The following ZNF394 variants were observed in gnomAD, a reference collection of about 807,000 sequenced individuals.
ZNF394 encodes zinc finger protein 99.
In ZNF394, 19 loss-of-function variants were observed where a neutral mutation model predicts 21.8. That is an observed-to-expected ratio of 0.87 (90% confidence interval 0.61 to 1.28). ZNF394 has a LOEUF of 1.28. Among genes scored for constraint, ZNF394 ranks in the 50% most tolerant of loss-of-function variants. The pLI is 0.00. For synonymous variants in ZNF394, 294 were observed against 273.3 expected, an observed-to-expected ratio of 1.08 and a Z score of -0.75; for missense variants, 683 against 708.6, an observed-to-expected ratio of 0.96 and a Z score of 0.41.
chr7:99,496,478 G>C (rs1800313007), intron 2 of ZNF394, among the ~76,000 whole-genome samples: 1 of 152,182 alleles, frequency 6.6e-6, no homozygotes, highest in African/African-American at 2.4e-5. Context: ...ATATTTTGGA[G>C]CAGCAAGGCA....
In ZNF394 at chr7:99,499,984, A is replaced by G. The variant is rs750433022; in HGVS notation, c.110T>C (p.Leu37Ser). Residue 37 changes from leucine (L) to serine (S), a missense_variant, in exon 1 of 3, where the codon TTG (leucine) becomes TCG (serine). Leu to Ser is a moderately radical substitution (Grantham distance 145, BLOSUM62 -2). Around this residue, in one of 3 missense-constraint regions of ZNF394, gnomAD observed 402 missense variants for 373.8 expected, o/e 1.08. Transcript: ENST00000337673. ...TGAGTCTTCCTCCACTTTCACGGGC[A>G]AAAGTCCGTCGCGTTGGGACGGCGC... ...DAAPSQRDGL[L>S]PVKVEEDSPG... The G allele has an allele frequency of 2.5e-6, 4 of 1,612,824 alleles. No homozygotes were observed. In the African/African-American group the frequency reaches 5.3e-5, roughly 22 times the overall value.
intron 1 of ZNF394, chr7:99,487,711 GT>G: frequency 6.1e-6 from 3 of 491,222 alleles, no homozygotes; most frequent in South Asian, 3.0e-5. Flanking sequence ...AAAGCCAGGT[GT>G]GGTGGCTCAC....
intron 2 of ZNF394, among the ~76,000 whole-genome samples, 161 bp from the exon 3 acceptor site, chr7:99,494,792 T>G (rs543622891): frequency 6.6e-6 from 1 of 152,184 alleles, no homozygotes; most frequent in Non-Finnish European, 1.5e-5. Flanking sequence ...TGGAGTGCAG[T>G]GGTCCGATCT....
rs1441178733 is a variant in ZNF394, at chr7:99,493,866, GT to G, written c.1348del (p.Thr450ProfsTer126). 2 of 1,614,020 alleles carry G rather than the reference GT, an allele frequency of 1.2e-6. No homozygotes were observed. The highest frequency in any genetic ancestry group is 1.7e-5 in the Admixed American group (1 of 59,980). On this transcript the variant is annotated frameshift_variant, in exon 3 of 3. Coordinates refer to ENST00000337673, the MANE Select transcript of ZNF394 (RefSeq NM_032164.4). LOFTEE classifies it low-confidence loss of function (END_TRUNC). The stretch of plus-strand genomic sequence containing the variant: ...TCTAAAAAGGTTGGAAATATGACAG[GT>G]TTCCCCGCATTCCTCACATTTAAAA... ...KHFKCEECGE[T>X]CHISNLFRHQ...
chr7:99,499,897 T>G lies in ZNF394; in HGVS notation c.197A>C (p.His66Pro). The change falls in exon 1 of 3, where the codon CAC (histidine) becomes CCC (proline). Residue 66 changes from histidine to proline, a missense_variant. Physicochemically the swap from His to Pro is moderately conservative, Grantham distance 77. Transcript: ENST00000337673. Reference sequence around the variant, plus strand: ...CTCCTGGTAACGCAGCTGCCTAAAGTGCAGTCGAGAAGTTTCGGGGTCCGG... The same window carrying G: ...CTCCTGGTAACGCAGCTGCCTAAAGGGCAGTCGAGAAGTTTCGGGGTCCGG... The part of the protein sequence containing the change: ...ASPDPETSRL[H>P]FRQLRYQEVA... The G allele has an allele frequency of 1.2e-6, 2 of 1,614,134 alleles. No homozygotes were observed. The highest frequency in any genetic ancestry group is 8.5e-7 in the Non-Finnish European group (1 of 1,180,028).
chr7:99,494,082 C>A lies in ZNF394; in HGVS notation c.1133G>T (p.Arg378Ile). The A allele has an allele frequency of 6.2e-7, 1 of 1,614,132 alleles. No individual in the cohort carries two copies. The highest frequency in any genetic ancestry group is 8.5e-7 in the Non-Finnish European group (1 of 1,180,022). Residue 378 changes from arginine (R) to isoleucine (I), a missense_variant, in exon 3 of 3, where the codon AGA becomes ATA. Physicochemically the swap from Arg to Ile is moderately conservative, Grantham distance 97. Transcript: ENST00000337673. Reference protein sequence around the residue: ...KQRSDLFRHQRIHTGEKPYGC... With the variant: ...KQRSDLFRHQIIHTGEKPYGC... ...ATAGGGTTTCTCACCTGTGTGGATTCTCTGGTGTCTAAAGAGGTCAGAGCG... is the reference window on the plus strand; with the variant it reads ...ATAGGGTTTCTCACCTGTGTGGATTATCTGGTGTCTAAAGAGGTCAGAGCG...
exon 2 of ZNF394, chr7:99,486,832 A>G (rs770505571): frequency 6.2e-7 from 1 of 1,614,160 alleles, no homozygotes; most frequent in Non-Finnish European, 8.5e-7. Flanking sequence ...TGAATGTGGA[A>G]AAGTCATTAG....
At chr7:99,488,349 C>G (rs1350477585), downstream of ZNF394, among the ~76,000 whole-genome samples, 2 of 151,278 alleles carry the variant, frequency 1.3e-5, no homozygotes. Flanking sequence ...GCCTGGCCAA[C>G]ATGGTGAAAC....
downstream of ZNF394, among the ~76,000 whole-genome samples, chr7:99,492,087 A>G (rs1320606692): frequency 6.6e-6 from 1 of 151,630 alleles, no homozygotes; most frequent in African/African-American, 2.4e-5. Context: ...AAAAAAAAAA[A>G]AAAAAAAGAA....
At chr7:99,486,998 G>C in intron 1 of ZNF394, 2 of 1,614,100 alleles carry the variant, frequency 1.2e-6, no homozygotes, top group Non-Finnish European at 1.7e-6. Context: ...CATGACTGTG[G>C]AAAGTGTTTT....
intron 1 of ZNF394, chr7:99,487,381 C>T: frequency 6.2e-7 from 1 of 1,614,200 alleles, no homozygotes; most frequent in Non-Finnish European, 8.5e-7. Context: ...TCAGGTCATT[C>T]ACACTGGAAG....
At chr7:99,491,113 G>A (rs539401157), downstream of ZNF394, among the ~76,000 whole-genome samples, 34 of 152,108 alleles carry the variant, frequency 2.2e-4, no homozygotes, top group Non-Finnish European at 4.1e-4. Flanking sequence ...GACCGTGATG[G>A]TGGGAGCCCC....
intron 1 of ZNF394, chr7:99,487,153 T>C (rs1326764291): frequency 1.2e-6 from 2 of 1,614,082 alleles, no homozygotes. Flanking sequence ...ACGCCATAAA[T>C]GCCTTGAGTG....
chr7:99,497,746 C>T (rs1003606136), intron 2 of ZNF394: 16 of 151,962 alleles, frequency 1.1e-4, no homozygotes, highest in Admixed American at 1.1e-3. Context: ...AACTGTAATT[C>T]CAGCTCCTCG....
rs1800202380 is a variant in ZNF394 at position 99,493,332 on chromosome 7, C to G, written c.*197G>C. ...AGTGCAGTGGCATGATCTCAGCTCACTGCAACTTCCGCCTCCTGGGTTCAA... is the reference window on the plus strand; with the variant it reads ...AGTGCAGTGGCATGATCTCAGCTCAGTGCAACTTCCGCCTCCTGGGTTCAA... On this transcript the variant is annotated 3_prime_UTR_variant, in exon 3 of 3. Transcript: ENST00000337673. The G allele has an allele frequency of 1.7e-6, 2 of 1,145,628 alleles. No homozygotes were observed. The allele number at this position is 1,145,628 out of a possible 1,614,324, so 71.0% of individuals were successfully genotyped here. A position where few individuals can be genotyped will look rare whatever the true frequency, so the allele number is the denominator to read the frequency against.
In ZNF394 at chr7:99,499,666, T is replaced by G. The variant is rs1487860565; in HGVS notation, c.428A>C (p.Gln143Pro). The G allele has an allele frequency of 6.2e-7, 1 of 1,606,844 alleles. No homozygotes were observed. Among genetic ancestry groups the G allele is most frequent in the East Asian group, 2.2e-5 (1 of 44,866 alleles). ...EEAVAVVRAL[Q>P]RALDGTSSQG... Reference sequence around the variant, plus strand: ...GGATGAGGTTCCATCGAGCGCTCGCTGCAGAGCCCGCACCACGGCCACCGC... The same window carrying G: ...GGATGAGGTTCCATCGAGCGCTCGCGGCAGAGCCCGCACCACGGCCACCGC... Residue 143 changes from glutamine to proline, a missense_variant, in exon 1 of 3, where the codon CAG becomes CCG. Around this residue, in one of 3 missense-constraint regions of ZNF394, gnomAD observed 402 missense variants for 373.8 expected, o/e 1.08. Coordinates refer to ENST00000337673, the MANE Select transcript of ZNF394 (RefSeq NM_032164.4).
chr7:99,495,576 C>T (rs943543944), intron 2 of ZNF394, among the ~76,000 whole-genome samples: 1 of 151,654 alleles, frequency 6.6e-6, no homozygotes, highest in African/African-American at 2.4e-5. Context: ...CCACCCCCCT[C>T]GGCCTTGCAA....
downstream of ZNF394, among the ~76,000 whole-genome samples, chr7:99,490,895 C>A (rs1433937748): frequency 1.3e-5 from 2 of 152,096 alleles, no homozygotes; most frequent in African/African-American, 4.8e-5. Context: ...CCAGGCCAGA[C>A]ACTCTTCAGT....
intron 1 of ZNF394, chr7:99,487,447 A>G: frequency 6.2e-7 from 1 of 1,614,210 alleles, no homozygotes; most frequent in Non-Finnish European, 8.5e-7. Flanking sequence ...CACAAGCTTT[A>G]TTAAGCACCA....
Sources: gnomAD v4.1 joint callset for allele counts (sites outside exome capture counted in the v4.1 genomes callset) on GRCh38, gnomAD v4.1.1 for gene constraint, gnomAD v4.1.1 regional missense constraint, MANE v1.5 for transcripts, NCBI Gene and HGNC (gene_info 2026-07-23, HGNC 2026-07-21) for gene names.